ACACA: variants seen among roughly 807,000 people sequenced by gnomAD.
ACACA encodes the protein acetyl-CoA carboxylase alpha, also known as acetyl-CoA carboxylase 1.
In ACACA, 103 loss-of-function variants were observed where a neutral mutation model predicts 296.1. That is an observed-to-expected ratio of 0.35 (90% CI 0.30 to 0.41). The LOEUF is 0.41. ACACA is among the 10% of genes least tolerant of loss of function. The probability of loss-of-function intolerance (pLI) is 1.00; values close to 1 mark genes in which losing one functional copy is unlikely to be tolerated. For synonymous variants in ACACA, 953 were observed against 1,038.6 expected (o/e 0.92, Z 1.58); for missense variants, 1,554 against 2,989.7 (o/e 0.52, Z 11.20).
At chr17:37,397,390 T>C (rs770791434) in intron 1 of ACACA, among the ~76,000 whole-genome samples, 8 of 152,148 alleles carry the variant, frequency 5.3e-5, no homozygotes, top group Non-Finnish European at 8.8e-5. Context: ...ACCATGTTCA[T>C]AGCAGATACT....
intron 3 of ACACA, among the ~76,000 whole-genome samples, chr17:37,304,341 C>T (rs1306815302): frequency 6.6e-6 from 1 of 152,094 alleles, no homozygotes; most frequent in African/African-American, 2.4e-5. Context: ...TGCTGCCATG[C>T]TCAAATAATT....
At chr17:37,227,724 G>C (rs1406248094) in intron 25 of ACACA, among the ~76,000 whole-genome samples, 2 of 151,974 alleles carry the variant, frequency 1.3e-5, no homozygotes, top group Non-Finnish European at 2.9e-5. Flanking sequence ...GCCGGGCGTG[G>C]TGGCGGGCGC....
intron 3 of ACACA, among the ~76,000 whole-genome samples, chr17:37,326,777 C>T (rs918365025): frequency 6.7e-6 from 1 of 150,336 alleles, no homozygotes; most frequent in African/African-American, 2.5e-5. Context: ...TGCAGTGAGC[C>T]GAGATGGTAC....
chr17:37,166,926 TTATAGC>T (rs998826176), intron 41 of ACACA, among the ~76,000 whole-genome samples: 4 of 152,190 alleles, frequency 2.6e-5, no homozygotes, highest in Admixed American at 2.0e-4. Context: ...TAACCTGTCC[TTATAGC>T]TAATGTGAAT....
At chr17:37,260,910 T>C (rs1396050753) in intron 11 of ACACA, among the ~76,000 whole-genome samples, 3 of 152,136 alleles carry the variant, frequency 2.0e-5, no homozygotes, top group African/African-American at 4.8e-5. Flanking sequence ...TTGGACCTTT[T>C]TGTTATAGCA....
In ACACA at chr17:37,187,943, C is replaced by T. The variant is rs9904710; in HGVS notation, c.4776+334G>A. ...TGAAAACGGAAAGGACGCATCAGAC[C>T]AGAGATTAGATTGCTGAAATAACCC... On this transcript the variant is annotated intron_variant, in intron 39 of 55. Coordinates refer to ENST00000616317, the MANE Select transcript of ACACA (RefSeq NM_198834.3). 9.7e-3 allele frequency among the ~76,000 whole-genome samples: 1,482 copies of T among 152,150 alleles called. 23 individuals are homozygous for T. The highest frequency in any genetic ancestry group is 0.034 in the African/African-American group (1,410 of 41,500).
At chr17:37,247,699 T>C (rs1016307517) in intron 18 of ACACA, among the ~76,000 whole-genome samples, 4 of 152,222 alleles carry the variant, frequency 2.6e-5, no homozygotes, top group Non-Finnish European at 5.9e-5. Flanking sequence ...AAAAACAGTA[T>C]GTACATGAGT....
chr17:37,256,868 T>G (rs973248151), intron 14 of ACACA, among the ~76,000 whole-genome samples: 4 of 152,150 alleles, frequency 2.6e-5, no homozygotes, highest in Non-Finnish European at 5.9e-5. Flanking sequence ...TAATAAACAC[T>G]TATTAATTAC....
intron 2 of ACACA, among the ~76,000 whole-genome samples, chr17:37,332,148 C>T (rs2047912128): frequency 1.3e-5 from 2 of 151,490 alleles, no homozygotes; most frequent in South Asian, 2.1e-4. Flanking sequence ...AGCAAACCAT[C>T]ATGACACGTG....
intron 52 of ACACA, 114 bp downstream of exon 52, chr17:37,111,417 G>T: frequency 1.2e-6 from 1 of 809,538 alleles, no homozygotes; most frequent in Non-Finnish European, 2.2e-6. Flanking sequence ...AGTAAATAAA[G>T]ATTATCATGA....
chr17:37,379,342 C>T (rs757650670), intron 1 of ACACA: 2 of 1,614,010 alleles, frequency 1.2e-6, no homozygotes, highest in Non-Finnish European at 1.7e-6. Flanking sequence ...ACCTAATCCC[C>T]ACATCCAAGT....
Position 37,113,416 on chromosome 17 carries a change from G to T in ACACA, c.6275-151C>A. The T allele has an allele frequency of 1.3e-6, 1 of 763,370 alleles. No individual in the cohort carries two copies. Among genetic ancestry groups the T allele is most frequent in the Non-Finnish European group, 2.3e-6 (1 of 443,876 alleles). 47.3% of individuals were successfully genotyped at this position (763,370 alleles called of 1,614,324 possible). A position where few individuals can be genotyped will look rare whatever the true frequency, so the allele number is the denominator to read the frequency against. ...TATAGACTAAAGGGAGTATCGACCT[G>T]TATCCCATTCAAGACTCCAGAGGAT... is the stretch of plus-strand genomic sequence containing the variant. On this transcript the variant is annotated intron_variant, in intron 50 of 55. Coordinates refer to ENST00000616317, the MANE Select transcript of ACACA (RefSeq NM_198834.3). This position sits in a 1 kb window ranked among gnomAD's most constrained non-coding sequence, Gnocchi z 4.0.
chr17:37,304,537 A>G (rs1056259235), intron 3 of ACACA, among the ~76,000 whole-genome samples: 1 of 152,112 alleles, frequency 6.6e-6, no homozygotes, highest in Non-Finnish European at 1.5e-5. Context: ...GCTCATGCCT[A>G]TAATCCCAGC....
intron 49 of ACACA, 144 bp downstream of exon 49, chr17:37,122,387 G>A: frequency 1.3e-6 from 1 of 767,418 alleles, no homozygotes; most frequent in Non-Finnish European, 2.4e-6. Context: ...TTAAAAGTGA[G>A]CACATGATGT....
At chr17:37,275,418 C>A (rs2082238362) in intron 8 of ACACA, among the ~76,000 whole-genome samples, 2 of 150,480 alleles carry the variant, frequency 1.3e-5, no homozygotes, top group Non-Finnish European at 2.9e-5. Flanking sequence ...ATTGCTTGAA[C>A]CCGGAAGGTG....
Position 37,328,657 on chromosome 17 carries a change from T to A in ACACA, c.338+1516A>T, listed in dbSNP as rs147381172. On this transcript the variant is annotated intron_variant, in intron 3 of 55. Transcript: ENST00000616317. ...CAGAACAATCACATCCAGCCAGATC[T>A]CATACAGGATTTTATTATAGAGTTG... The A allele has an allele frequency of 4.0e-4, 141 of 352,376 alleles. 1 individual carries two copies. The East Asian group carries it at 5.3e-3, about 13-fold the overall frequency. 21.8% of individuals were successfully genotyped at this position (352,376 alleles called of 1,614,324 possible).
At chr17:37,229,428 C>T (rs2079732004) in intron 25 of ACACA, among the ~76,000 whole-genome samples, 2 of 151,722 alleles carry the variant, frequency 1.3e-5, no homozygotes, top group South Asian at 2.1e-4. Flanking sequence ...CTCAGCCTCC[C>T]GAGTACCTGG....
chr17:37,303,464 C>T (rs1252480766), intron 3 of ACACA, among the ~76,000 whole-genome samples: 1 of 152,078 alleles, frequency 6.6e-6, no homozygotes, highest in Non-Finnish European at 1.5e-5. Flanking sequence ...CATGTATAAA[C>T]TTTTATGTGG....
At chr17:37,400,541 C>T (rs1343180709) in intron 1 of ACACA, among the ~76,000 whole-genome samples, 1 of 152,184 alleles carries the variant, frequency 6.6e-6, no homozygotes, top group Non-Finnish European at 1.5e-5. Flanking sequence ...TCTCTCTCAT[C>T]CCCTGGTAAC....
Sources: gnomAD v4.1 joint callset for allele counts (sites outside exome capture counted in the v4.1 genomes callset) on GRCh38, gnomAD v4.1.1 for gene constraint, Gnocchi (gnomAD v3.1) non-coding constraint, MANE v1.5 for transcripts, NCBI Gene and HGNC (gene_info 2026-07-23, HGNC 2026-07-21) for gene names.